The following DNAH9 variants were observed in gnomAD, a reference collection of about 807,000 sequenced individuals.
DNAH9 encodes DNAH9 variant protein.
Under a neutral mutation model 471.6 loss-of-function variants are expected in DNAH9, and 345 were observed. The ratio of observed to expected loss-of-function variants is 0.73; its 90% confidence interval spans 0.67 to 0.80. The LOEUF is 0.80. Among genes scored for constraint, DNAH9 ranks in the 30% least tolerant of loss-of-function variants. The pLI, the probability that DNAH9 is intolerant of heterozygous loss-of-function variation, is 0.00. For synonymous variants in DNAH9, 2,093 were observed against 2,123.6 expected, an observed-to-expected ratio of 0.99 and a Z score of 0.40; for missense variants, 5,407 against 5,609.2, an observed-to-expected ratio of 0.96 and a Z score of 1.15.
In DNAH9 at chr17:11,608,335, G is replaced by T. The variant is rs771333243; in HGVS notation, c.614+10G>T. On this transcript the variant is annotated intron_variant, in intron 2 of 68. Transcript: ENST00000262442. Reference sequence around the variant, plus strand: ...CCAAAAGTGAGACAGTGTAAGTACCGCCAGCCTGGCCATATGGGCCTCTGA... The same window carrying T: ...CCAAAAGTGAGACAGTGTAAGTACCTCCAGCCTGGCCATATGGGCCTCTGA... 1.9e-6 allele frequency: 3 copies of T among 1,584,244 alleles called. No individual in the cohort carries two copies. The highest frequency in any genetic ancestry group is 1.7e-5 in the Admixed American group (1 of 59,016).
At chr17:11,688,880 G>A (rs573772126) in intron 19 of DNAH9, among the ~76,000 whole-genome samples, 4 of 152,004 alleles carry the variant, frequency 2.6e-5, no homozygotes, top group Admixed American at 6.6e-5. Context: ...GGTGGATCAC[G>A]AGGTCAGGAG....
chr17:11,621,645 T>A (rs1052370521), intron 6 of DNAH9, among the ~76,000 whole-genome samples: 3 of 152,094 alleles, frequency 2.0e-5, no homozygotes, highest in Admixed American at 1.3e-4. Flanking sequence ...GGAACTGAGA[T>A]ACAAAGACGA....
At chr17:11,790,416 A>T (rs1022687112) in intron 41 of DNAH9, among the ~76,000 whole-genome samples, 1 of 151,966 alleles carries the variant, frequency 6.6e-6, no homozygotes, top group Non-Finnish European at 1.5e-5. Context: ...TTTCTTATTA[A>T]GTGCCCTTCT....
At chr17:11,724,525 C>T (rs1382453134) in intron 27 of DNAH9, among the ~76,000 whole-genome samples, 6 of 152,202 alleles carry the variant, frequency 3.9e-5, no homozygotes, top group Admixed American at 1.3e-4. Flanking sequence ...TTTTCAATGG[C>T]TGAACAATAT....
chr17:11,864,117 G>A (rs1219166063), intron 50 of DNAH9, among the ~76,000 whole-genome samples: 2 of 149,120 alleles, frequency 1.3e-5, no homozygotes, highest in African/African-American at 5.0e-5. Flanking sequence ...TGATGTTAGG[G>A]TGTCAATTTT....
At chr17:11,720,858 G>A (rs1478192831) in intron 27 of DNAH9, among the ~76,000 whole-genome samples, 1 of 152,120 alleles carries the variant, frequency 6.6e-6, no homozygotes, top group Non-Finnish European at 1.5e-5. Context: ...TGCTTTTATT[G>A]ATGAACACAT....
intron 48 of DNAH9, among the ~76,000 whole-genome samples, chr17:11,829,035 G>C (rs911424362): frequency 6.6e-6 from 1 of 152,168 alleles, no homozygotes; most frequent in South Asian, 2.1e-4. Context: ...CATCACCTGC[G>C]AGCTCAGAGT....
intron 27 of DNAH9, among the ~76,000 whole-genome samples, chr17:11,721,948 G>C (rs920326073): frequency 1.2e-4 from 18 of 152,154 alleles, no homozygotes; most frequent in African/African-American, 4.3e-4. Context: ...GAGAGAGCAT[G>C]TGGCATTTTC....
intron 33 of DNAH9, 103 bp from the exon 34 acceptor site, chr17:11,756,465 C>A (rs986898764): frequency 6.9e-6 from 5 of 721,418 alleles, no homozygotes; most frequent in Non-Finnish European, 1.0e-5. Context: ...GGAAATAATT[C>A]TCCATAATCC....
intron 27 of DNAH9, among the ~76,000 whole-genome samples, 196 bp downstream of exon 27, chr17:11,719,686 G>A (rs1018926153): frequency 6.6e-6 from 1 of 152,076 alleles, no homozygotes; most frequent in Admixed American, 6.6e-5. Context: ...TCCCTATAAG[G>A]CTTTCATGTG....
intron 51 of DNAH9, among the ~76,000 whole-genome samples, chr17:11,869,725 C>A (rs1025293834): frequency 2.0e-5 from 3 of 152,186 alleles, no homozygotes; most frequent in African/African-American, 4.8e-5. Context: ...CATGCTCCGG[C>A]CTTCCTGGGA....
chr17:11,888,836 A>T (rs7210649), intron 57 of DNAH9, among the ~76,000 whole-genome samples: 93,648 of 152,124 alleles, frequency 0.62, 31,235 homozygotes, highest in Middle Eastern at 0.76. Flanking sequence ...ACAGTTCCCC[A>T]TCCTGGCAGA....
intron 26 of DNAH9, among the ~76,000 whole-genome samples, chr17:11,713,981 A>G (rs971700394): frequency 4.6e-5 from 7 of 152,224 alleles, no homozygotes; most frequent in African/African-American, 1.7e-4. Flanking sequence ...ACATTTACCA[A>G]TTAGCATAGG....
At chr17:11,721,024 C>T (rs1329549634) in intron 27 of DNAH9, among the ~76,000 whole-genome samples, 1 of 93,282 alleles carries the variant, frequency 1.1e-5, no homozygotes, top group Non-Finnish European at 2.8e-5. Context: ...GTAGAGTCTC[C>T]CAAAGGGAAC....
intron 67 of DNAH9, among the ~76,000 whole-genome samples, chr17:11,956,340 A>T (rs1209834932): frequency 2.0e-5 from 3 of 152,184 alleles, no homozygotes; most frequent in African/African-American, 7.2e-5. Flanking sequence ...CAAAATACAT[A>T]AAGCAAAAAA....
intron 43 of DNAH9, among the ~76,000 whole-genome samples, chr17:11,807,042 C>A (rs554926094): frequency 6.6e-6 from 1 of 151,820 alleles, no homozygotes; most frequent in East Asian, 1.9e-4. Context: ...AGGAAGGGGG[C>A]AAGGAGAGAG....
chr17:11,922,368 A>G (rs1404857255), intron 61 of DNAH9, among the ~76,000 whole-genome samples: 1 of 152,176 alleles, frequency 6.6e-6, no homozygotes, highest in Non-Finnish European at 1.5e-5. Context: ...ACCTTGCTAG[A>G]AAAATCACTT....
chr17:11,732,127 G>T (rs1020296923), intron 28 of DNAH9, among the ~76,000 whole-genome samples: 1 of 152,158 alleles, frequency 6.6e-6, no homozygotes, highest in African/African-American at 2.4e-5. Context: ...TGTTGCCCCT[G>T]GATAGTAGAT....
At chr17:11,835,309 G>T (rs1184980227) in intron 49 of DNAH9, among the ~76,000 whole-genome samples, 1 of 152,088 alleles carries the variant, frequency 6.6e-6, no homozygotes, top group African/African-American at 2.4e-5. Context: ...TGCCCTTTAG[G>T]TTCTGTGGGA....
Sources: gnomAD v4.1 joint callset for allele counts (sites outside exome capture counted in the v4.1 genomes callset) on GRCh38, gnomAD v4.1.1 for gene constraint, MANE v1.5 for transcripts, NCBI Gene and HGNC (gene_info 2026-07-23, HGNC 2026-07-21) for gene names.